PHKG2: variants seen among roughly 807,000 people sequenced by gnomAD.
PHKG2 encodes the protein phosphorylase b kinase gamma catalytic chain, liver/testis isoform.
In PHKG2, 28 loss-of-function variants were observed where a neutral mutation model predicts 44.5. That is an observed-to-expected ratio of 0.63 (90% confidence interval 0.47 to 0.86). The LOEUF (loss-of-function observed/expected upper bound fraction) is 0.86. PHKG2 is among the 40% of genes least tolerant of loss of function. The pLI, the probability that PHKG2 is intolerant of heterozygous loss-of-function variation, is 0.00. For synonymous variants in PHKG2, 220 were observed against 211.2 expected (o/e 1.04, Z -0.36); for missense variants, 498 against 547.5 (o/e 0.91, Z 0.90).
In PHKG2 at chr16:30,756,401, G is replaced by C. The variant is rs1486041167; in HGVS notation, c.682G>C (p.Ala228Pro). 6.2e-7 allele frequency: 1 copy of C among 1,614,000 alleles called. No homozygotes were observed. The highest frequency in any genetic ancestry group is 1.7e-5 in the Admixed American group (1 of 60,024). ...ACGVILFTLL[A>P]GSPPFWHRRQ... The stretch of plus-strand genomic sequence containing the variant: ...TGGGGTGATCTTGTTCACACTCCTG[G>C]CTGGCTCGCCACCCTTCTGGCACCG... The change falls in exon 8 of 10, where the codon GCT becomes CCT. Residue 228 changes from alanine to proline, a missense_variant. Physicochemically the swap from Ala to Pro is conservative, Grantham distance 27 (BLOSUM62 -1). Coordinates refer to ENST00000563588, the MANE Select transcript of PHKG2 (RefSeq NM_000294.3).
At position 30,758,887 on chromosome 16, in the gene PHKG2, T is replaced by C; in HGVS notation, c.*1790T>C. 2.0e-6 allele frequency: 3 copies of C among 1,481,352 alleles called. No homozygotes were observed. Among genetic ancestry groups the C allele is most frequent in the Non-Finnish European group, 2.7e-6 (3 of 1,111,060 alleles). 91.8% of individuals were successfully genotyped at this position (1,481,352 alleles called of 1,614,324 possible). ...TTATCTGTCATCTTGGACTTCTGCATAAGGGATCATTTAGAGAAAGGACTC... is the reference window on the plus strand; with the variant it reads ...TTATCTGTCATCTTGGACTTCTGCACAAGGGATCATTTAGAGAAAGGACTC... On this transcript the variant is annotated 3_prime_UTR_variant, in exon 10 of 10. Coordinates refer to ENST00000563588, the MANE Select transcript of PHKG2 (RefSeq NM_000294.3).
rs1442697421 is a variant in PHKG2 at position 30,756,858 on chromosome 16, G to T, written c.982G>T (p.Val328Leu). ...ACGAGTGGCCCTAAGCACCCATCGT[G>T]TACGGCCACTGACCAAGAATGCACT... ...AGRVALSTHR[V>L]RPLTKNALLR... is the part of the protein sequence containing the mutation. Residue 328 changes from valine (V) to leucine (L), a missense_variant, in exon 10 of 10, where the codon GTA becomes TTA. By Grantham distance (32) the Val-to-Leu change is conservative. Transcript: ENST00000563588. 4.3e-6 allele frequency: 7 copies of T among 1,614,046 alleles called. No individual in the cohort carries two copies. The South Asian group carries it at 5.5e-5, about 13-fold the overall frequency.
In PHKG2 at chr16:30,753,236, C is replaced by A. The variant is rs773982918; in HGVS notation, c.331C>A (p.Arg111=). ...SFMFLVFDLM[R]KGELFDYLTE... ...CTATGCCCCTCCTTCCCTTAGGATG[C>A]GGAAGGGAGAGCTGTTTGACTATCT... is the stretch of plus-strand genomic sequence containing the variant. Residue 111 remains arginine (R), a synonymous_variant, in exon 5 of 10, where the codon CGG becomes AGG. Coordinates refer to ENST00000563588, the MANE Select transcript of PHKG2 (RefSeq NM_000294.3). 2 of 1,613,026 alleles carry A rather than the reference C, an allele frequency of 1.2e-6. No individual in the cohort carries two copies. The highest frequency in any genetic ancestry group is 1.7e-6 in the Non-Finnish European group (2 of 1,179,078).
chr16:30,760,953 C>A lies in PHKG2; in HGVS notation c.*3856C>A, dbSNP rs1051979942. On this transcript the variant is annotated 3_prime_UTR_variant, in exon 10 of 10. Transcript: ENST00000563588. ...TCCCTGTGGCCCTCAGTGTCCCCCT[C>A]TGTACAATACTCCTTAGCGGCCATG... is the stretch of plus-strand genomic sequence containing the variant. 54 of 610,718 alleles carry A rather than the reference C, an allele frequency of 8.8e-5. No individual in the cohort carries two copies. Among genetic ancestry groups the A allele is most frequent in the African/African-American group, 8.3e-4 (45 of 54,056 alleles). 37.8% of individuals were successfully genotyped at this position (610,718 alleles called of 1,614,324 possible). A position where few individuals can be genotyped will look rare whatever the true frequency, so the allele number is the denominator to read the frequency against.
chr16:30,751,564 C>T lies in PHKG2; in HGVS notation c.287C>T (p.Ser96Phe). The T allele has an allele frequency of 6.2e-7, 1 of 1,613,772 alleles. No homozygotes were observed. Among genetic ancestry groups the T allele is most frequent in the East Asian group, 2.2e-5 (1 of 44,880 alleles). ...CTCTCCCTAGTCACCCTCATCGATT[C>T]CTACGAGTCTTCTAGCTTCATGTTC... is the stretch of plus-strand genomic sequence containing the variant. ...GHPHIITLID[S>F]YESSSFMFLV... The change falls in exon 4 of 10, where the codon TCC becomes TTC. Residue 96 changes from serine to phenylalanine, a missense_variant. Ser to Phe is a radical substitution (Grantham distance 155). Transcript: ENST00000563588.
Position 30,756,922 on chromosome 16 carries a change from T to A in PHKG2, c.1046T>A (p.Leu349His). Reference protein sequence around the residue: ...DPYALRSVRHLIDNCAFRLYG... With the variant: ...DPYALRSVRHHIDNCAFRLYG... Reference sequence around the variant, plus strand: ...TATGCGCTGCGGTCAGTGCGGCACCTCATCGACAACTGTGCCTTCCGGCTC... The same window carrying A: ...TATGCGCTGCGGTCAGTGCGGCACCACATCGACAACTGTGCCTTCCGGCTC... The change falls in exon 10 of 10, where the codon CTC (leucine) becomes CAC (histidine). Residue 349 changes from leucine to histidine, a missense_variant. Coordinates refer to ENST00000563588, the MANE Select transcript of PHKG2 (RefSeq NM_000294.3). 6.2e-7 allele frequency: 1 copy of A among 1,613,952 alleles called. No individual in the cohort carries two copies. The highest frequency in any genetic ancestry group is 8.5e-7 in the Non-Finnish European group (1 of 1,180,024).
In PHKG2 at chr16:30,760,053, A is replaced by G. The variant is rs753394598; in HGVS notation, c.*2956A>G. ...AAGCAGGTGTTATTGTGCACTATGCATATATTTGCATATATTATTTCTCAG... is the reference window on the plus strand; with the variant it reads ...AAGCAGGTGTTATTGTGCACTATGCGTATATTTGCATATATTATTTCTCAG... On this transcript the variant is annotated 3_prime_UTR_variant, in exon 10 of 10. Transcript: ENST00000563588. 7 of 1,526,214 alleles carry G rather than the reference A, an allele frequency of 4.6e-6. No homozygotes were observed. The Admixed American group carries it at 6.0e-5, about 13-fold the overall frequency. The allele number at this position is 1,526,214 out of a possible 1,614,324, so 94.5% of individuals were successfully genotyped here.
rs1161608399 is a variant in PHKG2 at position 30,758,658 on chromosome 16, C to G, written c.*1561C>G. ...GCAGTCTCCACCTCCTGGGTTCATGCAGTTCTCCTGCCTCAGCCTCCTGAG... is the reference window on the plus strand; with the variant it reads ...GCAGTCTCCACCTCCTGGGTTCATGGAGTTCTCCTGCCTCAGCCTCCTGAG... On this transcript the variant is annotated 3_prime_UTR_variant, in exon 10 of 10. Coordinates refer to ENST00000563588, the MANE Select transcript of PHKG2 (RefSeq NM_000294.3). The G allele has an allele frequency of 3.3e-6, 1 of 301,084 alleles. No homozygotes were observed. The highest frequency in any genetic ancestry group is 6.4e-6 in the Non-Finnish European group (1 of 156,310). The allele number at this position is 301,084 out of a possible 1,614,324, so 18.7% of individuals were successfully genotyped here.
At position 30,756,695 on chromosome 16, in the gene PHKG2, AC is replaced by A; in HGVS notation, c.913del (p.Arg305AlafsTer19). On this transcript the variant is annotated frameshift_variant, in exon 9 of 10. Transcript: ENST00000563588. LOFTEE classifies it high-confidence loss of function. ...RCEGSQPWNL[T>X]PRQRFRVAVW... ...TGAAGGCAGCCAACCCTGGAACCTC[AC>A]CCCCCGCCAGCGGTTCCGGGTAAGC... 1 of 1,613,100 alleles carries A rather than the reference AC, an allele frequency of 6.2e-7. No individual in the cohort carries two copies. Among genetic ancestry groups the A allele is most frequent in the Non-Finnish European group, 8.5e-7 (1 of 1,179,820 alleles).
chr16:30,751,578 A>C lies in PHKG2; in HGVS notation c.301A>C (p.Ser101Arg), dbSNP rs1410337149. The C allele has an allele frequency of 6.2e-7, 1 of 1,613,788 alleles. No homozygotes were observed. The highest frequency in any genetic ancestry group is 8.5e-7 in the Non-Finnish European group (1 of 1,179,764). Residue 101 changes from serine to arginine, a missense_variant, in exon 4 of 10, where the codon AGC (serine) becomes CGC (arginine). By Grantham distance (110) the Ser-to-Arg change is moderately radical (BLOSUM62 -1). Coordinates refer to ENST00000563588, the MANE Select transcript of PHKG2 (RefSeq NM_000294.3). ...CCTCATCGATTCCTACGAGTCTTCT[A>C]GCTTCATGTTCCTGGTGTTTGACCT... ...ITLIDSYESSSFMFLVFDLMR... is the reference protein window; with the variant it reads ...ITLIDSYESSRFMFLVFDLMR...
chr16:30,749,276 GTGTC>G (rs2053313191), intron 2 of PHKG2, among the ~76,000 whole-genome samples: 1 of 8,948 alleles, frequency 1.1e-4, no homozygotes, highest in South Asian at 0.028. Flanking sequence ...GGTGGTGTGT[GTGTC>G]TGTGTGTGTG....
intron 3 of PHKG2, 25 bp from the exon 4 acceptor site, chr16:30,751,524 T>C: frequency 6.2e-7 from 1 of 1,604,176 alleles, no homozygotes; most frequent in Non-Finnish European, 8.5e-7. Context: ...TCTCTGTCTC[T>C]CTGCCTCTCT....
At position 30,759,416 on chromosome 16, in the gene PHKG2, G is replaced by A. The variant is rs147508732; in HGVS notation, c.*2319G>A. Reference sequence around the variant, plus strand: ...TTGACCACGTAGTCTTCCAAGGCCAGCAGCTGTTCCTCTTTGAAGAGGTCG... The same window carrying A: ...TTGACCACGTAGTCTTCCAAGGCCAACAGCTGTTCCTCTTTGAAGAGGTCG... On this transcript the variant is annotated 3_prime_UTR_variant, in exon 10 of 10. Coordinates refer to ENST00000563588, the MANE Select transcript of PHKG2 (RefSeq NM_000294.3). 425 of 1,614,264 alleles carry A rather than the reference G, an allele frequency of 2.6e-4. 2 individuals are homozygous for A. The highest frequency in any genetic ancestry group is 8.8e-4 in the Admixed American group (53 of 60,034).
At chr16:30,748,716 C>T in intron 1 of PHKG2, 87 bp from the exon 2 acceptor site, 1 of 584,718 alleles carries the variant, frequency 1.7e-6, no homozygotes, top group Non-Finnish European at 3.1e-6. Flanking sequence ...GCCCCAGCTG[C>T]AAGGGCTGCG....
chr16:30,756,948 T>C lies in PHKG2; in HGVS notation c.1072T>C (p.Tyr358His). ...CATCGACAACTGTGCCTTCCGGCTC[T>C]ACGGGCACTGGGTAAAGAAAGGGGA... ...HLIDNCAFRL[Y>H]GHWVKKGEQQ... is the part of the protein sequence containing the mutation. The change falls in exon 10 of 10, where the codon TAC becomes CAC. Residue 358 changes from tyrosine (Y) to histidine (H), a missense_variant. Transcript: ENST00000563588. The C allele has an allele frequency of 6.2e-7, 1 of 1,613,718 alleles. No homozygotes were observed. The highest frequency in any genetic ancestry group is 8.5e-7 in the Non-Finnish European group (1 of 1,180,034).
intron 3 of PHKG2, 91 bp downstream of exon 3, chr16:30,751,372 C>A: frequency 7.1e-7 from 1 of 1,404,274 alleles, no homozygotes; most frequent in Non-Finnish European, 1.0e-6. Context: ...ATTGCCTCCA[C>A]ACCTCTCCTC....
intron 4 of PHKG2, among the ~76,000 whole-genome samples, chr16:30,752,069 G>A (rs1443703557): frequency 1.3e-5 from 2 of 148,506 alleles, no homozygotes; most frequent in East Asian, 4.1e-4. Flanking sequence ...CTCCAGCGTG[G>A]GCGACAGAGT....
chr16:30,754,737 T>C, intron 6 of PHKG2: 1 of 396,282 alleles, frequency 2.5e-6, no homozygotes, highest in East Asian at 7.4e-5. Flanking sequence ...CTCTGCCCAC[T>C]GCATCCTCTC....
Position 30,756,848 on chromosome 16 carries a change from C to T in PHKG2, c.972C>T (p.Ser324=). Residue 324 remains serine (S), a synonymous_variant, in exon 10 of 10, where the codon AGC becomes AGT. Coordinates refer to ENST00000563588, the MANE Select transcript of PHKG2 (RefSeq NM_000294.3). ...TGGCTGCTGGACGAGTGGCCCTAAG[C>T]ACCCATCGTGTACGGCCACTGACCA... ...TVLAAGRVAL[S]THRVRPLTKN... is the part of the protein sequence containing the mutation. The T allele has an allele frequency of 2.5e-6, 4 of 1,614,168 alleles. No homozygotes were observed. Among genetic ancestry groups the T allele is most frequent in the South Asian group, 2.2e-5 (2 of 91,088 alleles).
Sources: gnomAD v4.1 joint callset for allele counts (sites outside exome capture counted in the v4.1 genomes callset) on GRCh38, gnomAD v4.1.1 for gene constraint, MANE v1.5 for transcripts, NCBI Gene and HGNC (gene_info 2026-07-23, HGNC 2026-07-21) for gene names.